Variants in PPARGC1A observed in about 807,000 individuals in gnomAD.
PPARGC1A encodes peroxisome proliferator-activated receptor gamma coactivator 1-alpha.
A neutral mutation model predicts 88.7 loss-of-function variants in PPARGC1A; 25 were observed. That is an observed-to-expected ratio of 0.28 (90% CI 0.21 to 0.39). The LOEUF (loss-of-function observed/expected upper bound fraction) is 0.39. Ranked by LOEUF, PPARGC1A falls within the 10% of genes least tolerant of loss-of-function variation. The pLI is 1.00. For synonymous variants in PPARGC1A, 363 were observed against 355.6 expected (o/e 1.02, Z -0.24); for missense variants, 880 against 968.7 (o/e 0.91, Z 1.22).
At chr4:24,049,357 C>T in the PPARGC1A span, among the ~76,000 whole-genome samples, 3 of 140,920 alleles carry the variant, frequency 2.1e-5, no homozygotes, top group African/African-American at 7.8e-5. Flanking sequence ...TATGAATAAT[C>T]AGGGAAGTAG....
the PPARGC1A span, among the ~76,000 whole-genome samples, chr4:24,410,457 C>T: frequency 2.0e-5 from 3 of 152,310 alleles, no homozygotes; most frequent in Admixed American, 1.3e-4. Context: ...TGCCCGCAGA[C>T]TCCTGCCCCC....
chr4:23,967,717 C>A, the PPARGC1A span, among the ~76,000 whole-genome samples: 1 of 152,126 alleles, frequency 6.6e-6, no homozygotes, highest in Admixed American at 6.5e-5. Flanking sequence ...TCTTTCTTCT[C>A]TCTGCCTTTT....
chr4:24,453,650 C>T, the PPARGC1A span, among the ~76,000 whole-genome samples: 1 of 152,094 alleles, frequency 6.6e-6, no homozygotes, highest in Non-Finnish European at 1.5e-5. Flanking sequence ...CGTGGTGGCA[C>T]ATGCCTGTAA....
chr4:24,328,292 C>T, the PPARGC1A span, among the ~76,000 whole-genome samples: 3 of 140,802 alleles, frequency 2.1e-5, no homozygotes, highest in South Asian at 2.4e-4. Context: ...TCAACCAACC[C>T]GTCATTTTAG....
intron 2 of PPARGC1A, among the ~76,000 whole-genome samples, chr4:23,870,841 G>A (rs200701043): frequency 6.6e-5 from 10 of 151,586 alleles, no homozygotes; most frequent in South Asian, 2.1e-4. Flanking sequence ...ATAAAAATGC[G>A]TACTATCTAT....
the PPARGC1A span, among the ~76,000 whole-genome samples, chr4:24,394,490 GA>G: frequency 1.3e-5 from 2 of 152,190 alleles, no homozygotes; most frequent in Non-Finnish European, 2.9e-5. Context: ...TCTTTAAGAA[GA>G]AAACGCTGGT....
the PPARGC1A span, among the ~76,000 whole-genome samples, chr4:24,175,362 TTC>T: frequency 6.7e-6 from 1 of 149,226 alleles, no homozygotes; most frequent in Non-Finnish European, 1.5e-5. Context: ...GTTTTTTTTT[TTC>T]TCTTTGTTTC....
chr4:24,134,734 T>C, the PPARGC1A span, among the ~76,000 whole-genome samples: 1 of 152,204 alleles, frequency 6.6e-6, no homozygotes, highest in Admixed American at 6.5e-5. Flanking sequence ...TTTGAGTTAT[T>C]TATAGGAATG....
chr4:24,362,326 A>C, the PPARGC1A span, among the ~76,000 whole-genome samples: 1 of 151,766 alleles, frequency 6.6e-6, no homozygotes, highest in South Asian at 2.1e-4. Context: ...CAGGCAATCA[A>C]ATATGAGCTT....
At chr4:24,232,901 G>A in the PPARGC1A span, among the ~76,000 whole-genome samples, 2 of 152,210 alleles carry the variant, frequency 1.3e-5, no homozygotes, top group Non-Finnish European at 2.9e-5. Context: ...TATATTTATT[G>A]ATTTAGCTGG....
chr4:24,408,863 A>G, the PPARGC1A span, among the ~76,000 whole-genome samples: 3 of 152,228 alleles, frequency 2.0e-5, no homozygotes, highest in African/African-American at 7.2e-5. Context: ...ACATAACAAC[A>G]AACTACTGTT....
chr4:24,028,681 T>C, the PPARGC1A span, among the ~76,000 whole-genome samples: 2 of 152,206 alleles, frequency 1.3e-5, no homozygotes. Context: ...TTATGGTGCT[T>C]CTGTTCCCTC....
At chr4:24,309,527 A>T in the PPARGC1A span, among the ~76,000 whole-genome samples, 11 of 152,178 alleles carry the variant, frequency 7.2e-5, no homozygotes, top group Admixed American at 3.3e-4. Context: ...TCTAAGAGCA[A>T]GGAATCTATC....
the PPARGC1A span, among the ~76,000 whole-genome samples, chr4:24,287,653 C>CAT: frequency 6.7e-6 from 1 of 150,280 alleles, no homozygotes; most frequent in Non-Finnish European, 1.5e-5. Flanking sequence ...CACACACACA[C>CAT]ACACACACAC....
chr4:24,289,214 C>A, the PPARGC1A span, among the ~76,000 whole-genome samples: 14 of 107,418 alleles, frequency 1.3e-4, no homozygotes, highest in East Asian at 3.7e-3. Flanking sequence ...AGTGAGACTC[C>A]GTCTCAAAAA....
the PPARGC1A span, among the ~76,000 whole-genome samples, chr4:24,093,533 AG>A: frequency 6.6e-6 from 1 of 151,938 alleles, no homozygotes; most frequent in Non-Finnish European, 1.5e-5. Context: ...GGTTCTTCTG[AG>A]GTGTAAGAGA....
upstream of PPARGC1A, among the ~76,000 whole-genome samples, chr4:23,907,203 A>G (rs1321775193): frequency 6.6e-6 from 1 of 152,166 alleles, no homozygotes; most frequent in East Asian, 1.9e-4. Flanking sequence ...CCCTACTGCC[A>G]CCATCACCAT....
At chr4:23,815,654 C>T (rs942435565) in intron 7 of PPARGC1A, among the ~76,000 whole-genome samples, 1 of 152,140 alleles carries the variant, frequency 6.6e-6, no homozygotes, top group East Asian at 1.9e-4. Flanking sequence ...GTAAGCCCTA[C>T]TCATCCGTTT....
At chr4:24,192,949 G>T in the PPARGC1A span, among the ~76,000 whole-genome samples, 1 of 152,212 alleles carries the variant, frequency 6.6e-6, no homozygotes, top group South Asian at 2.1e-4. Context: ...TAAGTAAGTT[G>T]AAACTAATTT....
Sources: gnomAD v4.1 joint callset for allele counts (sites outside exome capture counted in the v4.1 genomes callset) on GRCh38, gnomAD v4.1.1 for gene constraint, MANE v1.5 for transcripts, NCBI Gene and HGNC (gene_info 2026-07-23, HGNC 2026-07-21) for gene names.